SPIDR: variants seen among roughly 807,000 people sequenced by gnomAD.
The protein encoded by SPIDR is DNA repair-scaffolding protein.
SPIDR carries 93 observed loss-of-function variants against 104.6 expected under a neutral mutation model. The observed-to-expected ratio is 0.89, with a 90% CI of 0.75 to 1.06. The LOEUF (loss-of-function observed/expected upper bound fraction) is 1.06, where lower values mean the gene tolerates loss of function less well. Ranked by LOEUF, SPIDR falls within the 50% of genes least tolerant of loss-of-function variation. SPIDR has a pLI of 0.00. For missense variants in SPIDR, 1,154 were observed against 1,111.2 expected (o/e 1.04, Z -0.55); for synonymous variants, 431 against 416.9 (o/e 1.03, Z -0.41).
intron 10 of SPIDR, among the ~76,000 whole-genome samples, chr8:47,629,208 A>G (rs1232683319): frequency 1.3e-5 from 2 of 152,200 alleles, no homozygotes; most frequent in Non-Finnish European, 2.9e-5. Flanking sequence ...GGTAGTAGGG[A>G]CACAATTGTC....
In SPIDR at chr8:47,440,510, T is replaced by TCC. The variant is rs1359616823; in HGVS notation, c.1068_1069dup (p.Gln357ProfsTer14). On this transcript the variant is annotated frameshift_variant, in exon 8 of 20. Transcript: ENST00000297423. LOFTEE classifies it high-confidence loss of function. ...AGACTGCAGGCTACCTCAGGGGCCG[T>TCC]CCCCAGGACACTGTCCGGATCTTCC... 2 of 1,614,078 alleles carry TCC rather than the reference T, an allele frequency of 1.2e-6. No homozygotes were observed. The highest frequency in any genetic ancestry group is 1.7e-6 in the Non-Finnish European group (2 of 1,180,028).
At chr8:47,577,200 T>G (rs1047343769) in intron 8 of SPIDR, among the ~76,000 whole-genome samples, 4 of 152,238 alleles carry the variant, frequency 2.6e-5, no homozygotes, top group Admixed American at 6.5e-5. Context: ...GAGATCTTTA[T>G]TGTTAGTTAG....
Position 47,735,213 on chromosome 8 carries a change from G to A in SPIDR, c.2605-94G>A, listed in dbSNP as rs1343712151. 3 of 1,214,412 alleles carry A rather than the reference G, an allele frequency of 2.5e-6. No homozygotes were observed. The Admixed American group carries it at 5.3e-5, about 22-fold the overall frequency. The allele number at this position is 1,214,412 out of a possible 1,614,324, so 75.2% of individuals were successfully genotyped here. ...AGTGGAAGGTCGTGGACTGGGGAAA[G>A]GGCCTTCCACTCTGGCTCTCTGGTT... On this transcript the variant is annotated intron_variant, in intron 19 of 19. Transcript: ENST00000297423.
intron 5 of SPIDR, among the ~76,000 whole-genome samples, chr8:47,392,745 A>G (rs1002163080): frequency 1.1e-4 from 16 of 152,358 alleles, no homozygotes; most frequent in African/African-American, 3.6e-4. Flanking sequence ...AGCTGAGCAC[A>G]TGTACCTTTT....
At chr8:47,485,227 C>T (rs540196347) in intron 8 of SPIDR, among the ~76,000 whole-genome samples, 7 of 152,330 alleles carry the variant, frequency 4.6e-5, no homozygotes, top group Non-Finnish European at 8.8e-5. Flanking sequence ...GAGGGTCCCA[C>T]GCGCACGGAG....
intron 5 of SPIDR, among the ~76,000 whole-genome samples, chr8:47,338,221 C>T (rs963476667): frequency 1.3e-5 from 2 of 151,192 alleles, no homozygotes; most frequent in African/African-American, 4.8e-5. Context: ...TTGTAATGAT[C>T]TAGTGGTAAG....
At chr8:47,421,661 G>A (rs561285600) in intron 7 of SPIDR, among the ~76,000 whole-genome samples, 6 of 152,222 alleles carry the variant, frequency 3.9e-5, no homozygotes, top group African/African-American at 9.6e-5. Flanking sequence ...GAGGAGTTGC[G>A]TTCCTTTGGA....
intron 8 of SPIDR, among the ~76,000 whole-genome samples, chr8:47,498,431 A>T (rs1442186306): frequency 6.6e-6 from 1 of 152,198 alleles, no homozygotes; most frequent in Non-Finnish European, 1.5e-5. Context: ...AACCCAGAAC[A>T]TTATTGAAAA....
chr8:47,352,005 G>T (rs1431661896), intron 5 of SPIDR, among the ~76,000 whole-genome samples: 2 of 152,090 alleles, frequency 1.3e-5, no homozygotes, highest in Admixed American at 6.6e-5. Flanking sequence ...TGGGCTGGGC[G>T]CAGTGGCTCA....
At chr8:47,399,772 A>C (rs1197856750) in intron 6 of SPIDR, among the ~76,000 whole-genome samples, 1 of 152,184 alleles carries the variant, frequency 6.6e-6, no homozygotes, top group Non-Finnish European at 1.5e-5. Context: ...AGCTGGGTAA[A>C]GTGAGAATGA....
chr8:47,501,820 C>T (rs1013420814), intron 8 of SPIDR, among the ~76,000 whole-genome samples: 15 of 152,168 alleles, frequency 9.9e-5, no homozygotes, highest in South Asian at 4.1e-4. Context: ...TACGTCCCAT[C>T]AATACCTAAT....
At chr8:47,636,313 T>A (rs1478370796) in intron 10 of SPIDR, among the ~76,000 whole-genome samples, 1 of 145,820 alleles carries the variant, frequency 6.9e-6, no homozygotes, top group African/African-American at 2.7e-5. Flanking sequence ...TGGCTGTTCC[T>A]CCATCTCTTT....
intron 8 of SPIDR, among the ~76,000 whole-genome samples, chr8:47,485,233 C>T (rs963244234): frequency 3.3e-5 from 5 of 152,200 alleles, no homozygotes; most frequent in African/African-American, 9.7e-5. Flanking sequence ...CCCACGCGCA[C>T]GGAGCCTCGC....
At chr8:47,533,034 A>G (rs916925857) in intron 8 of SPIDR, among the ~76,000 whole-genome samples, 24 of 152,100 alleles carry the variant, frequency 1.6e-4, no homozygotes, top group East Asian at 1.2e-3. Flanking sequence ...GAAATTTAAA[A>G]TATTTTAACA....
chr8:47,641,698 G>A (rs1251063914), intron 10 of SPIDR, among the ~76,000 whole-genome samples: 2 of 152,170 alleles, frequency 1.3e-5, no homozygotes, highest in African/African-American at 4.8e-5. Flanking sequence ...AAGGGAGGAG[G>A]ATGAACACTC....
intron 8 of SPIDR, among the ~76,000 whole-genome samples, chr8:47,489,780 G>C (rs1341540656): frequency 3.3e-5 from 5 of 152,176 alleles, no homozygotes; most frequent in Non-Finnish European, 7.3e-5. Flanking sequence ...AAATGGTGCT[G>C]GGAAAACTGG....
intron 8 of SPIDR, among the ~76,000 whole-genome samples, chr8:47,505,272 G>A (rs998140683): frequency 9.9e-5 from 15 of 152,226 alleles, no homozygotes; most frequent in African/African-American, 2.6e-4. Context: ...CTTGAGCTGC[G>A]GTGGGCTCCA....
intron 10 of SPIDR, among the ~76,000 whole-genome samples, chr8:47,606,115 G>A (rs2062910654): frequency 6.6e-6 from 1 of 152,132 alleles, no homozygotes; most frequent in African/African-American, 2.4e-5. Flanking sequence ...ATGGAGATAC[G>A]GAAGTTCCTC....
At chr8:47,333,607 A>G (rs375106154) in intron 5 of SPIDR, among the ~76,000 whole-genome samples, 1 of 152,234 alleles carries the variant, frequency 6.6e-6, no homozygotes, top group East Asian at 1.9e-4. Context: ...TGGCCATGGA[A>G]TATACTTCAA....
Sources: gnomAD v4.1 joint callset for allele counts (sites outside exome capture counted in the v4.1 genomes callset) on GRCh38, gnomAD v4.1.1 for gene constraint, MANE v1.5 for transcripts, NCBI Gene and HGNC (gene_info 2026-07-23, HGNC 2026-07-21) for gene names.